The following CEP85L variants were observed in gnomAD, a reference collection of about 807,000 sequenced individuals.
CEP85L encodes the protein centrosomal protein of 85 kDa-like.
In CEP85L, 60 loss-of-function variants were observed where a neutral mutation model predicts 100.3. That is an observed-to-expected ratio of 0.60 (90% CI 0.49 to 0.74). The LOEUF is 0.74. CEP85L is among the 30% of genes least tolerant of loss of function. The probability of loss-of-function intolerance (pLI) is 0.00; values close to 1 mark genes in which losing one functional copy is unlikely to be tolerated. For missense variants in CEP85L, 973 were observed against 936.2 expected (o/e 1.04, Z -0.51); for synonymous variants, 319 against 322.7 (o/e 0.99, Z 0.12).
intron 12 of CEP85L, among the ~76,000 whole-genome samples, chr6:118,466,100 G>A (rs973987193): frequency 1.3e-5 from 2 of 152,104 alleles, no homozygotes; most frequent in Non-Finnish European, 2.9e-5. Flanking sequence ...TGAAAGCTGG[G>A]ACCCTACAAT....
intron 1 of CEP85L, among the ~76,000 whole-genome samples, chr6:118,688,739 G>C (rs1426485691): frequency 6.6e-6 from 1 of 152,080 alleles, no homozygotes; most frequent in Non-Finnish European, 1.5e-5. Flanking sequence ...CCATTTCTTT[G>C]GCCCACTCCT....
chr6:118,690,450 G>A (rs901557431), intron 1 of CEP85L, among the ~76,000 whole-genome samples: 10 of 149,674 alleles, frequency 6.7e-5, no homozygotes, highest in African/African-American at 2.5e-4. Flanking sequence ...TGAATCCCAT[G>A]ACATTATGGT....
At chr6:118,545,495 G>A (rs991487972) in intron 3 of CEP85L, among the ~76,000 whole-genome samples, 1 of 152,162 alleles carries the variant, frequency 6.6e-6, no homozygotes, top group Non-Finnish European at 1.5e-5. Flanking sequence ...GGCTGAGGCA[G>A]GAGAATCGCT....
chr6:118,589,888 T>G (rs1300790350), intron 2 of CEP85L, among the ~76,000 whole-genome samples: 1 of 152,222 alleles, frequency 6.6e-6, no homozygotes, highest in Non-Finnish European at 1.5e-5. Flanking sequence ...GAATGAGACA[T>G]AGTTAATGCA....
At chr6:118,481,143 T>C (rs887920713) in intron 8 of CEP85L, among the ~76,000 whole-genome samples, 13 of 152,066 alleles carry the variant, frequency 8.5e-5, no homozygotes, top group African/African-American at 3.1e-4. Flanking sequence ...GCAGTAAAGT[T>C]AGAAATAGGA....
intron 6 of CEP85L, among the ~76,000 whole-genome samples, chr6:118,491,196 T>TATACACAC (rs1491488278): frequency 1.7e-5 from 2 of 116,366 alleles, no homozygotes; most frequent in Admixed American, 1.6e-4. Flanking sequence ...CCAACATCTA[T>TATACACAC]ACACACACAC....
At chr6:118,496,874 G>A (rs1329184505) in intron 5 of CEP85L, among the ~76,000 whole-genome samples, 3 of 152,222 alleles carry the variant, frequency 2.0e-5, no homozygotes, top group Non-Finnish European at 4.4e-5. Flanking sequence ...CAAGTCAACA[G>A]ATAAAAGTGG....
At chr6:118,572,350 T>A (rs1226427094) in intron 2 of CEP85L, among the ~76,000 whole-genome samples, 3 of 140,352 alleles carry the variant, frequency 2.1e-5, no homozygotes, top group African/African-American at 5.2e-5. Context: ...GGTCAAGATA[T>A]CAAGACCATC....
intron 2 of CEP85L, among the ~76,000 whole-genome samples, chr6:118,597,947 A>AC (rs1781539482): frequency 1.3e-5 from 2 of 152,338 alleles, no homozygotes; most frequent in South Asian, 4.1e-4. Flanking sequence ...ATTGAGGTTG[A>AC]AGTCAGTGAC....
intron 6 of CEP85L, among the ~76,000 whole-genome samples, chr6:118,487,381 G>A (rs1436901487): frequency 6.6e-6 from 1 of 152,162 alleles, no homozygotes; most frequent in African/African-American, 2.4e-5. Context: ...GGAGAGTAGT[G>A]TCAGCAAGAT....
chr6:118,683,567 C>T (rs865924988), intron 1 of CEP85L, among the ~76,000 whole-genome samples: 3 of 152,164 alleles, frequency 2.0e-5, no homozygotes, highest in African/African-American at 7.2e-5. Context: ...CTAGTGCATT[C>T]GCAGTGTGGT....
At chr6:118,569,211 AG>A (rs1779725784) in intron 2 of CEP85L, among the ~76,000 whole-genome samples, 1 of 151,688 alleles carries the variant, frequency 6.6e-6, no homozygotes, top group South Asian at 2.1e-4. Flanking sequence ...GTGTGGTGGC[AG>A]GCGCCTGTAA....
intron 2 of CEP85L, among the ~76,000 whole-genome samples, chr6:118,579,303 C>T (rs1005365559): frequency 8.2e-6 from 1 of 122,652 alleles, no homozygotes; most frequent in South Asian, 2.9e-4. Context: ...AAGAGGTCAA[C>T]AATTCAAAAT....
intron 5 of CEP85L, among the ~76,000 whole-genome samples, chr6:118,505,167 C>T (rs973541128): frequency 1.1e-4 from 17 of 151,898 alleles, no homozygotes; most frequent in African/African-American, 3.6e-4. Context: ...TGGGGCCAGG[C>T]GCGGTGGCTC....
chr6:118,545,564 G>C (rs576056552), intron 3 of CEP85L, among the ~76,000 whole-genome samples: 22 of 152,288 alleles, frequency 1.4e-4, no homozygotes, highest in Admixed American at 1.2e-3. Flanking sequence ...TCGGGGCTGA[G>C]TAACAGAGTG....
Position 118,600,301 on chromosome 6 carries a change from G to T in CEP85L, c.232+32152C>A, listed in dbSNP as rs1478244845. 3.6e-4 allele frequency among the ~76,000 whole-genome samples: 11 copies of T among 30,444 alleles called. 1 individual carries two copies. The highest frequency in any genetic ancestry group is 1.4e-3 in the African/African-American group (11 of 7,982). The allele number at this position is 30,444 out of a possible 152,430, so 20.0% of individuals were successfully genotyped here. On this transcript the variant is annotated intron_variant, in intron 2 of 12. Coordinates refer to ENST00000368491, the MANE Select transcript of CEP85L (RefSeq NM_001042475.3). ...TGCCTGTCCCTGAGCCTTCCTGGGG[G>T]TGTGTGTGTGTGTGTGTGTGTGTGT...
At chr6:118,576,939 G>A (rs1416115944) in intron 2 of CEP85L, among the ~76,000 whole-genome samples, 1 of 152,190 alleles carries the variant, frequency 6.6e-6, no homozygotes, top group Admixed American at 6.5e-5. Flanking sequence ...AGGTAGGCCA[G>A]AAACCCAAAC....
At chr6:118,633,629 C>G (rs181502951) in intron 1 of CEP85L, among the ~76,000 whole-genome samples, 1 of 152,264 alleles carries the variant, frequency 6.6e-6, no homozygotes, top group Admixed American at 6.5e-5. Flanking sequence ...TTACCCATCA[C>G]TTATTTTATT....
At chr6:118,580,163 GC>G (rs1246723006) in intron 2 of CEP85L, among the ~76,000 whole-genome samples, 2 of 152,034 alleles carry the variant, frequency 1.3e-5, no homozygotes, top group Non-Finnish European at 2.9e-5. Flanking sequence ...TCAGCTTGGA[GC>G]CCCCTCCCTC....
Sources: gnomAD v4.1 joint callset for allele counts (sites outside exome capture counted in the v4.1 genomes callset) on GRCh38, gnomAD v4.1.1 for gene constraint, MANE v1.5 for transcripts, NCBI Gene and HGNC (gene_info 2026-07-23, HGNC 2026-07-21) for gene names.